Variants in OPA1 observed in about 807,000 individuals in gnomAD.
OPA1 encodes the protein dynamin-like GTPase OPA1, mitochondrial.
A neutral mutation model predicts 152.9 loss-of-function variants in OPA1; 59 were observed. The observed-to-expected ratio is 0.39, with a 90% CI of 0.31 to 0.48. The LOEUF (loss-of-function observed/expected upper bound fraction) is 0.48. OPA1 is among the 20% of genes least tolerant of loss of function. The pLI is 0.96. For synonymous variants in OPA1, 400 were observed against 389.9 expected, an observed-to-expected ratio of 1.03 and a Z score of -0.31; for missense variants, 1,008 against 1,216.8, an observed-to-expected ratio of 0.83 and a Z score of 2.55.
At chr3:193,607,929 T>G (rs1468769219) in intron 1 of OPA1, among the ~76,000 whole-genome samples, 2 of 152,228 alleles carry the variant, frequency 1.3e-5, no homozygotes, top group African/African-American at 4.8e-5. Flanking sequence ...TATCCTCTTT[T>G]ATTTCCTTGA....
chr3:193,638,641 G>A (rs1283989023), intron 11 of OPA1, among the ~76,000 whole-genome samples: 1 of 152,154 alleles, frequency 6.6e-6, no homozygotes, highest in African/African-American at 2.4e-5. Flanking sequence ...TCATCAGAAT[G>A]TCTGTTTTTT....
chr3:193,665,254 A>T lies in OPA1; in HGVS notation c.2778+258A>T, dbSNP rs58859883. 6.6e-3 allele frequency among the ~76,000 whole-genome samples: 818 copies of T among 124,712 alleles called. 11 individuals carry two copies. The highest frequency in any genetic ancestry group is 0.025 in the African/African-American group (753 of 30,064). 81.8% of individuals were successfully genotyped at this position (124,712 alleles called of 152,430 possible). A position where few individuals can be genotyped will look rare whatever the true frequency, so the allele number is the denominator to read the frequency against. ...AGTAAAAAAAAGTGTGAATATAAAT[A>T]GTAAAAAAAATAAATAAATAACAGG... On this transcript the variant is annotated intron_variant, in intron 27 of 30. Coordinates refer to ENST00000361510, the MANE Select transcript of OPA1 (RefSeq NM_130837.3).
chr3:193,681,109 A>G (rs949393599), intron 29 of OPA1, among the ~76,000 whole-genome samples: 2 of 152,204 alleles, frequency 1.3e-5, no homozygotes, highest in African/African-American at 2.4e-5. Context: ...AGATATTGAT[A>G]TCATTGGGTT....
intron 29 of OPA1, chr3:193,668,347 C>CT: frequency 1.3e-6 from 2 of 1,551,456 alleles, no homozygotes; most frequent in Non-Finnish European, 1.7e-6. Flanking sequence ...GGACTCAACA[C>CT]TACACACCAG....
chr3:193,662,317 T>C (rs1035377883), intron 25 of OPA1, among the ~76,000 whole-genome samples: 2 of 152,178 alleles, frequency 1.3e-5, no homozygotes, highest in African/African-American at 4.8e-5. Context: ...ATGAAAAAGC[T>C]TTTTAAAAAT....
intron 25 of OPA1, among the ~76,000 whole-genome samples, chr3:193,660,818 C>G (rs1237373845): frequency 6.6e-6 from 1 of 152,010 alleles, no homozygotes; most frequent in Non-Finnish European, 1.5e-5. Flanking sequence ...CGTTGGTTAT[C>G]TCTGCTCTAC....
chr3:193,607,899 A>C (rs577232523), intron 1 of OPA1, among the ~76,000 whole-genome samples: 1 of 152,182 alleles, frequency 6.6e-6, no homozygotes, highest in South Asian at 2.1e-4. Flanking sequence ...ATGAGCATGG[A>C]ATGTTCTTCC....
At chr3:193,658,456 G>T (rs566350463) in intron 23 of OPA1, among the ~76,000 whole-genome samples, 17 of 152,046 alleles carry the variant, frequency 1.1e-4, no homozygotes, top group Non-Finnish European at 2.5e-4. Flanking sequence ...TTAACACTGG[G>T]AATAATGGTT....
chr3:193,617,183 A>T lies in OPA1; in HGVS notation c.454A>T (p.Ile152Phe). ...EIDEYIDFEK[I>F]RKALPSSEDL... is the part of the protein sequence containing the mutation. ...TATGTTTTGATCTTTTCCAGAGAAA[A>T]TTAGAAAAGCCCTTCCTAGTTCAGA... Residue 152 changes from isoleucine to phenylalanine, a missense_variant, in exon 4 of 31, where the codon ATT becomes TTT. Around this residue, in one of 7 missense-constraint regions of OPA1, gnomAD observed 408 missense variants for 395.1 expected, o/e 1.03. Transcript: ENST00000361510. The T allele has an allele frequency of 6.3e-7, 1 of 1,588,656 alleles. No individual in the cohort carries two copies. The highest frequency in any genetic ancestry group is 8.6e-7 in the Non-Finnish European group (1 of 1,157,186).
chr3:193,620,028 A>G (rs1014951731), intron 6 of OPA1, among the ~76,000 whole-genome samples: 2 of 152,128 alleles, frequency 1.3e-5, no homozygotes, highest in South Asian at 4.1e-4. Context: ...TTGCATTGAC[A>G]TTATTTTAAC....
intron 6 of OPA1, chr3:193,619,703 T>C (rs1729690063): frequency 1.3e-5 from 2 of 152,168 alleles, no homozygotes; most frequent in African/African-American, 4.8e-5. Flanking sequence ...AATAGATTTA[T>C]AGAAAAAATA....
At position 193,668,387 on chromosome 3, in the gene OPA1, A is replaced by G. The variant is rs893948616; in HGVS notation, c.2983+1107A>G. On this transcript the variant is annotated intron_variant, in intron 29 of 30. Coordinates refer to ENST00000361510, the MANE Select transcript of OPA1 (RefSeq NM_130837.3). ...CCACATGGCGCCGCACCCAGCATTG[A>G]CACTTCTTTTACCTTGTCTGGGCTC... is the stretch of plus-strand genomic sequence containing the variant. 6.4e-6 allele frequency: 10 copies of G among 1,551,182 alleles called. No homozygotes were observed. In the Admixed American group the frequency reaches 1.2e-4, roughly 18 times the overall value.
At chr3:193,636,698 G>C (rs546685946) in intron 9 of OPA1, among the ~76,000 whole-genome samples, 13 of 152,146 alleles carry the variant, frequency 8.5e-5, no homozygotes, top group Non-Finnish European at 1.5e-4. Flanking sequence ...AGTTGTCAGT[G>C]GATACTTAAC....
At chr3:193,615,096 A>G in intron 2 of OPA1, 55 bp downstream of exon 2, 1 of 1,345,960 alleles carries the variant, frequency 7.4e-7, no homozygotes, top group Non-Finnish European at 1.1e-6. Context: ...TTAAGTTTCT[A>G]TAGCATAAAT....
At chr3:193,648,494 A>G (rs1047954199) in intron 20 of OPA1, 10 of 386,642 alleles carry the variant, frequency 2.6e-5, no homozygotes, top group Non-Finnish European at 4.7e-5. Context: ...CACAGCATTA[A>G]TATATAGTTA....
chr3:193,658,295 G>A (rs1024484459), intron 23 of OPA1, among the ~76,000 whole-genome samples: 1 of 150,054 alleles, frequency 6.7e-6, no homozygotes, highest in African/African-American at 2.4e-5. Context: ...CTTGTTAAAT[G>A]CCTTATTAAG....
chr3:193,627,511 T>A (rs1731351600), intron 7 of OPA1, among the ~76,000 whole-genome samples: 1 of 152,216 alleles, frequency 6.6e-6, no homozygotes, highest in Non-Finnish European at 1.5e-5. Flanking sequence ...TTTAGTTTTG[T>A]TATGGAAAGA....
chr3:193,641,851 A>G (rs1470523488), intron 11 of OPA1, among the ~76,000 whole-genome samples: 1 of 152,250 alleles, frequency 6.6e-6, no homozygotes, highest in South Asian at 2.1e-4. Context: ...GCAGTGGCTC[A>G]TGCCTGTAAT....
rs536391293 is a variant in OPA1, at chr3:193,618,810, T to G, written c.611-59T>G. ...TTCATTGACTCGATGTAATTTGAAATTCAGCTTAGGCTGTTGACATCACTG... is the reference window on the plus strand; with the variant it reads ...TTCATTGACTCGATGTAATTTGAAAGTCAGCTTAGGCTGTTGACATCACTG... On this transcript the variant is annotated intron_variant, in intron 5 of 30. Transcript: ENST00000361510. 21 of 1,354,726 alleles carry G rather than the reference T, an allele frequency of 1.6e-5. No homozygotes were observed. In the South Asian group the frequency reaches 2.1e-4, roughly 14 times the overall value. The allele number at this position is 1,354,726 out of a possible 1,614,324, so 83.9% of individuals were successfully genotyped here.
Sources: gnomAD v4.1 joint callset for allele counts (sites outside exome capture counted in the v4.1 genomes callset) on GRCh38, gnomAD v4.1.1 for gene constraint, gnomAD v4.1.1 regional missense constraint, MANE v1.5 for transcripts, NCBI Gene and HGNC (gene_info 2026-07-23, HGNC 2026-07-21) for gene names.